The following SEMA3E variants were observed in gnomAD, a reference collection of about 807,000 sequenced individuals.
SEMA3E encodes the protein semaphorin 3E.
In SEMA3E, 49 loss-of-function variants were observed where a neutral mutation model predicts 93.6. That is an observed-to-expected ratio of 0.52 (90% CI 0.42 to 0.66). SEMA3E has a LOEUF of 0.66. Among genes scored for constraint, SEMA3E ranks in the 30% least tolerant of loss-of-function variants. The pLI is 0.00. For synonymous variants in SEMA3E, 363 were observed against 330.7 expected (o/e 1.10, Z -1.06); for missense variants, 906 against 964.8 (o/e 0.94, Z 0.81).
chr7:83,582,440 C>T (rs1347253682), intron 1 of SEMA3E, among the ~76,000 whole-genome samples: 1 of 151,960 alleles, frequency 6.6e-6, no homozygotes, highest in Non-Finnish European at 1.5e-5. Context: ...TTTTAGACTC[C>T]TCAAGACAAT....
chr7:83,628,090 G>A (rs915703093), intron 1 of SEMA3E, among the ~76,000 whole-genome samples: 1 of 152,072 alleles, frequency 6.6e-6, no homozygotes, highest in Admixed American at 6.5e-5. Flanking sequence ...TAGTTTGGCT[G>A]GATATGAAAT....
intron 14 of SEMA3E, among the ~76,000 whole-genome samples, chr7:83,390,008 T>C (rs1180684161): frequency 2.9e-4 from 36 of 122,370 alleles, no homozygotes; most frequent in South Asian, 5.2e-4. Flanking sequence ...CGTATACACA[T>C]ATATACGCGT....
chr7:83,539,855 C>CTGTGTG (rs59200828), intron 1 of SEMA3E, among the ~76,000 whole-genome samples: 5,257 of 122,578 alleles, frequency 0.043, 195 homozygotes, highest in African/African-American at 0.091. Flanking sequence ...TTTGTTGTTT[C>CTGTGTG]TGTGTGTGTG....
intron 16 of SEMA3E, among the ~76,000 whole-genome samples, chr7:83,369,919 C>T (rs994288384): frequency 2.0e-5 from 3 of 152,118 alleles, no homozygotes; most frequent in Non-Finnish European, 4.4e-5. Context: ...CTGAAGTAAG[C>T]CTCCAGTGTT....
At chr7:83,424,918 C>A in intron 4 of SEMA3E, 2 of 278,888 alleles carry the variant, frequency 7.2e-6, no homozygotes, top group South Asian at 4.8e-5. Flanking sequence ...CTGTCAGCCT[C>A]TACCATGTGT....
intron 4 of SEMA3E, among the ~76,000 whole-genome samples, chr7:83,435,241 T>C (rs925873100): frequency 6.6e-6 from 1 of 152,198 alleles, no homozygotes; most frequent in African/African-American, 2.4e-5. Flanking sequence ...TAGGCATTTA[T>C]TATCCAAAAC....
At chr7:83,523,630 T>C (rs748731804) in intron 1 of SEMA3E, among the ~76,000 whole-genome samples, 75 of 152,068 alleles carry the variant, frequency 4.9e-4, no homozygotes, top group South Asian at 8.3e-4. Context: ...CACTTTCTTG[T>C]GTGTTCTCCC....
At chr7:83,593,119 A>G (rs1418962570) in intron 1 of SEMA3E, among the ~76,000 whole-genome samples, 1 of 152,094 alleles carries the variant, frequency 6.6e-6, no homozygotes. Flanking sequence ...CAACTGGACA[A>G]TAAACTTTAG....
rs539452828 is a variant in SEMA3E at position 83,453,896 on chromosome 7, C to A, written c.456+12586G>T. The stretch of plus-strand genomic sequence containing the variant: ...ATTTATTCTATTAAATTGGCTATTA[C>A]CCACTCTAGATTTTTACAAATTATT... On this transcript the variant is annotated intron_variant, in intron 4 of 16. Transcript: ENST00000643230. 1.4e-3 allele frequency among the ~76,000 whole-genome samples: 211 copies of A among 151,570 alleles called. 1 individual carries two copies. Among genetic ancestry groups the A allele is most frequent in the African/African-American group, 3.7e-3 (151 of 41,360 alleles).
At chr7:83,614,285 C>T (rs766510457) in intron 1 of SEMA3E, among the ~76,000 whole-genome samples, 37 of 152,190 alleles carry the variant, frequency 2.4e-4, no homozygotes, top group Non-Finnish European at 3.2e-4. Context: ...TTTTATTCCC[C>T]GTTCAGCACT....
intron 1 of SEMA3E, among the ~76,000 whole-genome samples, chr7:83,533,982 A>G (rs1285642362): frequency 6.6e-6 from 1 of 152,166 alleles, no homozygotes; most frequent in Non-Finnish European, 1.5e-5. Context: ...TCTAGTCAAA[A>G]TTCAAGTATT....
chr7:83,621,115 G>C (rs1793548403), intron 1 of SEMA3E, among the ~76,000 whole-genome samples: 1 of 152,050 alleles, frequency 6.6e-6, no homozygotes, highest in South Asian at 2.1e-4. Context: ...CAGCTGTAAA[G>C]TTTCTTAAGC....
intron 4 of SEMA3E, among the ~76,000 whole-genome samples, chr7:83,446,598 T>C (rs1789235653): frequency 6.6e-6 from 1 of 152,208 alleles, no homozygotes; most frequent in South Asian, 2.1e-4. Flanking sequence ...GTGGAAGGTA[T>C]AGATTCACAC....
intron 1 of SEMA3E, among the ~76,000 whole-genome samples, chr7:83,532,967 A>G (rs1045240687): frequency 4.6e-5 from 7 of 152,136 alleles, no homozygotes; most frequent in Non-Finnish European, 2.9e-5. Context: ...GACTAAGTCC[A>G]AAAGATAAAA....
intron 1 of SEMA3E, among the ~76,000 whole-genome samples, chr7:83,513,606 A>G (rs909319336): frequency 1.3e-5 from 2 of 152,186 alleles, no homozygotes; most frequent in Admixed American, 6.6e-5. Flanking sequence ...CTTTAAAGGC[A>G]ACATTATCAC....
At chr7:83,552,859 G>A (rs1399551341) in intron 1 of SEMA3E, among the ~76,000 whole-genome samples, 1 of 152,172 alleles carries the variant, frequency 6.6e-6, no homozygotes, top group Admixed American at 6.5e-5. Context: ...ATGCACTGCT[G>A]AACATAGAAC....
At chr7:83,609,976 A>G (rs556280972) in intron 1 of SEMA3E, among the ~76,000 whole-genome samples, 20 of 152,180 alleles carry the variant, frequency 1.3e-4, no homozygotes, top group Admixed American at 1.0e-3. Context: ...AAATTAAACG[A>G]AATACAGTAC....
chr7:83,552,505 C>T (rs190379641), intron 1 of SEMA3E, among the ~76,000 whole-genome samples: 186 of 152,128 alleles, frequency 1.2e-3, no homozygotes, highest in Non-Finnish European at 2.2e-3. Context: ...TCTGACTAAC[C>T]GCGGGGTTGG....
intron 12 of SEMA3E, among the ~76,000 whole-genome samples, chr7:83,395,971 T>A (rs1484368981): frequency 6.6e-6 from 1 of 152,040 alleles, no homozygotes; most frequent in Non-Finnish European, 1.5e-5. Context: ...ATGGGAGCAG[T>A]GGTCAGTATT....
Sources: allele counts gnomAD v4.1 joint callset (sites outside exome capture counted in the v4.1 genomes callset), GRCh38; gene constraint gnomAD v4.1.1; transcripts MANE v1.5; gene names NCBI Gene and HGNC (gene_info 2026-07-23, HGNC 2026-07-21).